The following SHOC2 variants were observed in gnomAD, a reference collection of about 807,000 sequenced individuals.
SHOC2 encodes SHOC2 leucine rich repeat scaffold protein, also known as leucine-rich repeat protein SHOC-2.
SHOC2 carries 4 observed loss-of-function variants against 50.2 expected under a neutral mutation model. The observed-to-expected ratio is 0.08, with a 90% CI of 0.04 to 0.18. The LOEUF is 0.18. Ranked by LOEUF, SHOC2 falls within the 10% of genes least tolerant of loss-of-function variation. SHOC2 has a pLI of 1.00. For synonymous variants in SHOC2, 218 were observed against 244.5 expected (o/e 0.89, Z 1.01); for missense variants, 388 against 669.6 (o/e 0.58, Z 4.64).
chr10:110,937,494 T>A (rs1847050253), intron 1 of SHOC2, among the ~76,000 whole-genome samples: 1 of 152,164 alleles, frequency 6.6e-6, no homozygotes, highest in African/African-American at 2.4e-5. Flanking sequence ...TCTCATATGT[T>A]ATGGTTAGGG....
At position 111,012,061 on chromosome 10, in the gene SHOC2, C is replaced by A; in HGVS notation, c.*243C>A. The A allele has an allele frequency of 2.0e-6, 1 of 502,368 alleles. No homozygotes were observed. The allele number at this position is 502,368 out of a possible 1,614,324, so 31.1% of individuals were successfully genotyped here. ...TTTTCTGTTGTGTAATCTGATATGCCAGTTTGCTTAAAACATTTGCCAACA... is the reference window on the plus strand; with the variant it reads ...TTTTCTGTTGTGTAATCTGATATGCAAGTTTGCTTAAAACATTTGCCAACA... On this transcript the variant is annotated 3_prime_UTR_variant, in exon 9 of 9. Transcript: ENST00000369452.
Position 111,011,591 on chromosome 10 carries a change from T to A in SHOC2, c.1541-19T>A. On this transcript the variant is annotated intron_variant, in intron 8 of 8. Coordinates refer to ENST00000369452, the MANE Select transcript of SHOC2 (RefSeq NM_007373.4). Reference sequence around the variant, plus strand: ...TAGCAACTAATTTTTAAAAAAAAATTGATTTTTTTTTTAAACAGGTACACT... The same window carrying A: ...TAGCAACTAATTTTTAAAAAAAAATAGATTTTTTTTTTAAACAGGTACACT... 6.3e-7 allele frequency: 1 copy of A among 1,592,056 alleles called. No individual in the cohort carries two copies. The highest frequency in any genetic ancestry group is 8.6e-7 in the Non-Finnish European group (1 of 1,161,588).
chr10:110,952,396 G>A (rs1296233220), intron 1 of SHOC2, among the ~76,000 whole-genome samples: 2 of 152,010 alleles, frequency 1.3e-5, no homozygotes, highest in Non-Finnish European at 2.9e-5. Flanking sequence ...TTACATTAGG[G>A]TTTTTACTGT....
intron 2 of SHOC2, among the ~76,000 whole-genome samples, chr10:110,984,787 A>G (rs1571239): frequency 0.79 from 120,225 of 152,126 alleles, 47,959 homozygotes; most frequent in East Asian, 0.95. Flanking sequence ...GTCCTAGTAA[A>G]TTGAGAAGCA....
Position 110,974,473 on chromosome 10 carries a change from G to C in SHOC2, c.703+9412G>C, listed in dbSNP as rs553193526. Among the ~76,000 whole-genome samples, 486 of 152,188 alleles carry C rather than the reference G, an allele frequency of 3.2e-3. 26 individuals carry two copies. In the South Asian group the frequency reaches 0.093, roughly 29 times the overall value. ...CATTCAACAGTGTCATACAGTGCTT[G>C]CATTGTATACCTTTTTCTATCTTTT... On this transcript the variant is annotated intron_variant, in intron 2 of 8. Coordinates refer to ENST00000369452, the MANE Select transcript of SHOC2 (RefSeq NM_007373.4).
chr10:111,007,473 A>T lies in SHOC2; in HGVS notation c.1162-58A>T. On this transcript the variant is annotated intron_variant, in intron 5 of 8. Coordinates refer to ENST00000369452, the MANE Select transcript of SHOC2 (RefSeq NM_007373.4). Reference sequence around the variant, plus strand: ...GAATTCTCTTTCCGAAGTGACAGGTATATATAGAACTTTGTTTTTGTGATT... The same window carrying T: ...GAATTCTCTTTCCGAAGTGACAGGTTTATATAGAACTTTGTTTTTGTGATT... The T allele has an allele frequency of 2.5e-6, 4 of 1,576,054 alleles. No individual in the cohort carries two copies. In the South Asian group the frequency reaches 4.4e-5, roughly 18 times the overall value.
intron 2 of SHOC2, among the ~76,000 whole-genome samples, chr10:110,981,876 T>TTTTTTTTATTATACTC (rs369735711): frequency 7.4e-6 from 1 of 135,412 alleles, no homozygotes; most frequent in Non-Finnish European, 1.6e-5. Flanking sequence ...ATTTATTTTT[T>TTTTTTTTATTATACTC]TAAGTTTTAG....
At chr10:110,948,957 C>T (rs1847299293) in intron 1 of SHOC2, among the ~76,000 whole-genome samples, 1 of 151,844 alleles carries the variant, frequency 6.6e-6, no homozygotes, top group Admixed American at 6.6e-5. Context: ...TTTCCCAGCT[C>T]ATCAGCTGGC....
Position 111,004,688 on chromosome 10 carries a change from C to T in SHOC2, c.1055C>T (p.Ser352Phe), listed in dbSNP as rs1848437546. The T allele has an allele frequency of 6.2e-7, 1 of 1,612,972 alleles. No homozygotes were observed. Residue 352 changes from serine to phenylalanine, a missense_variant, in exon 5 of 9, where the codon TCT becomes TTT. Transcript: ENST00000369452. The part of the protein sequence containing the change: ...CFQLYPVGGP[S>F]QFSTIYSLNM... ...CAGTTGTATCCAGTGGGTGGTCCAT[C>T]TCAGTTTTCTACCATCTATTCCCTC... is the stretch of plus-strand genomic sequence containing the variant.
chr10:110,928,045 G>C (rs1846811133), intron 1 of SHOC2, among the ~76,000 whole-genome samples: 1 of 152,152 alleles, frequency 6.6e-6, no homozygotes, highest in Non-Finnish European at 1.5e-5. Flanking sequence ...GGCCAAGTGT[G>C]GTGGCTCACA....
chr10:111,004,583 T>G, intron 4 of SHOC2, 23 bp from the exon 5 acceptor site: 2 of 1,539,904 alleles, frequency 1.3e-6, no homozygotes, highest in African/African-American at 1.4e-5. Context: ...CTAATTCTTA[T>G]GTTTATTTCA....
At position 111,009,328 on chromosome 10, in the gene SHOC2, A is replaced by G. The variant is rs763368038; in HGVS notation, c.1365A>G (p.Leu455=). 1.2e-6 allele frequency: 2 copies of G among 1,606,642 alleles called. No homozygotes were observed. Among genetic ancestry groups the G allele is most frequent in the African/African-American group, 1.3e-5 (1 of 74,868 alleles). The change falls in exon 7 of 9, where the codon CTA becomes CTG. Residue 455 remains leucine (L), a synonymous_variant. Coordinates refer to ENST00000369452, the MANE Select transcript of SHOC2 (RefSeq NM_007373.4). The part of the protein sequence containing the change: ...GNLRKLRELD[L]EENKLESLPN... Reference sequence around the variant, plus strand: ...TTAGGAAGTTAAGAGAGTTGGATCTAGAAGAGAACAAATTGGAATCCTTGC... The same window carrying G: ...TTAGGAAGTTAAGAGAGTTGGATCTGGAAGAGAACAAATTGGAATCCTTGC...
At position 110,946,730 on chromosome 10, in the gene SHOC2, T is replaced by C. The variant is rs112222531; in HGVS notation, c.-234-17395T>C. ...TTAATATGAATGGAATGCAAGTACC[T>C]AGCGGGGAGAGTTGGAGAAAAGCTA... On this transcript the variant is annotated intron_variant, in intron 1 of 8. Transcript: ENST00000369452. Among the ~76,000 whole-genome samples the C allele has an allele frequency of 2.8e-3, 426 of 152,234 alleles. 1 individual carries two copies. Among genetic ancestry groups the C allele is most frequent in the African/African-American group, 0.01 (416 of 41,538 alleles).
At chr10:110,953,705 T>G (rs1030874824) in intron 1 of SHOC2, among the ~76,000 whole-genome samples, 9 of 151,492 alleles carry the variant, frequency 5.9e-5, no homozygotes, top group South Asian at 2.1e-4. Flanking sequence ...GAGAGAGAGA[T>G]ATATATATAC....
chr10:111,012,876 A>C lies in SHOC2; in HGVS notation c.*1058A>C, dbSNP rs1263374537. ...CAGTGTACTATGGTTTTATATCTTG[A>C]CTTGCCTTGTACATCTTTCAATTCT... On this transcript the variant is annotated 3_prime_UTR_variant, in exon 9 of 9. Transcript: ENST00000369452. The C allele has an allele frequency of 6.6e-6, 1 of 152,610 alleles. No homozygotes were observed. Among genetic ancestry groups the C allele is most frequent in the Non-Finnish European group, 1.5e-5 (1 of 68,016 alleles). The allele number at this position is 152,610 out of a possible 1,614,324, so 9.5% of individuals were successfully genotyped here. A position where few individuals can be genotyped will look rare whatever the true frequency, so the allele number is the denominator to read the frequency against.
intron 1 of SHOC2, among the ~76,000 whole-genome samples, chr10:110,949,479 A>G (rs1319660689): frequency 6.6e-6 from 1 of 152,160 alleles, no homozygotes; most frequent in Non-Finnish European, 1.5e-5. Context: ...TTGGACCTGA[A>G]GGCTCCACTG....
At chr10:111,008,325 C>T (rs1016755681) in intron 6 of SHOC2, among the ~76,000 whole-genome samples, 6 of 150,976 alleles carry the variant, frequency 4.0e-5, no homozygotes, top group Non-Finnish European at 8.9e-5. Context: ...TTTAAAATTT[C>T]CTTCATATCC....
chr10:110,974,365 A>G (rs1847837444), intron 2 of SHOC2, among the ~76,000 whole-genome samples: 1 of 152,052 alleles, frequency 6.6e-6, no homozygotes, highest in South Asian at 2.1e-4. Flanking sequence ...AGTGTTCTAA[A>G]TGCAGTTGAA....
intron 3 of SHOC2, among the ~76,000 whole-genome samples, chr10:110,993,273 A>G (rs1321412572): frequency 6.6e-6 from 1 of 152,236 alleles, no homozygotes; most frequent in Non-Finnish European, 1.5e-5. Flanking sequence ...GTTTGTGGTT[A>G]AAACCACTCA....
Sources: gnomAD v4.1 joint callset for allele counts (sites outside exome capture counted in the v4.1 genomes callset) on GRCh38, gnomAD v4.1.1 for gene constraint, MANE v1.5 for transcripts, NCBI Gene and HGNC (gene_info 2026-07-23, HGNC 2026-07-21) for gene names.